DLGAP2: variants seen among roughly 807,000 people sequenced by gnomAD.
DLGAP2 encodes the protein DLG associated protein 2, also known as disks large-associated protein 2.
A neutral mutation model predicts 100.3 loss-of-function variants in DLGAP2; 26 were observed. The ratio of observed to expected loss-of-function variants is 0.26; its 90% confidence interval spans 0.19 to 0.36. DLGAP2 has a LOEUF of 0.36. Among genes scored for constraint, DLGAP2 ranks in the 10% least tolerant of loss-of-function variants. DLGAP2 has a pLI of 1.00. For missense variants in DLGAP2, 1,858 were observed against 1,453.2 expected (o/e 1.28, Z -4.53); for synonymous variants, 886 against 630.1 (o/e 1.41, Z -6.08).
chr8:1,526,026 A>G (rs1245453634), intron 4 of DLGAP2, among the ~76,000 whole-genome samples: 2 of 151,988 alleles, frequency 1.3e-5, no homozygotes, highest in Non-Finnish European at 2.9e-5. Flanking sequence ...TCCCTAATCC[A>G]AAACTCTGAA....
chr8:1,324,793 C>A (rs914733831), intron 3 of DLGAP2, among the ~76,000 whole-genome samples: 2 of 152,080 alleles, frequency 1.3e-5, no homozygotes, highest in Admixed American at 6.5e-5. Context: ...ATCAGAGGAG[C>A]GGGAGTCACA....
intron 3 of DLGAP2, among the ~76,000 whole-genome samples, chr8:1,356,698 G>A (rs988892534): frequency 2.0e-5 from 3 of 152,310 alleles, no homozygotes; most frequent in South Asian, 4.1e-4. Context: ...ACGATCATTC[G>A]CCACAATGTA....
chr8:1,621,636 G>A (rs1028726716), intron 6 of DLGAP2: 2 of 152,182 alleles, frequency 1.3e-5, no homozygotes, highest in Non-Finnish European at 2.9e-5. Flanking sequence ...GTGCTCCATA[G>A]ACTCACCAGC....
At chr8:945,566 C>T (rs896687972) in intron 2 of DLGAP2, among the ~76,000 whole-genome samples, 6 of 152,168 alleles carry the variant, frequency 3.9e-5, no homozygotes, top group Non-Finnish European at 8.8e-5. Context: ...TCTTCTTACT[C>T]AGCCCGGAGA....
intron 2 of DLGAP2, among the ~76,000 whole-genome samples, chr8:1,159,866 G>T (rs1460426187): frequency 2.0e-5 from 3 of 152,200 alleles, no homozygotes; most frequent in Non-Finnish European, 4.4e-5. Context: ...TCTGTCTACA[G>T]GCCCCCCAAC....
At chr8:1,628,924 A>G (rs1475217427) in intron 7 of DLGAP2, among the ~76,000 whole-genome samples, 1 of 152,266 alleles carries the variant, frequency 6.6e-6, no homozygotes, top group Non-Finnish European at 1.5e-5. Flanking sequence ...ATGGAAGTAC[A>G]CAGTCAATTT....
chr8:773,655 T>A (rs1821427804), intron 1 of DLGAP2, among the ~76,000 whole-genome samples: 1 of 151,948 alleles, frequency 6.6e-6, no homozygotes. Flanking sequence ...ATTTCATCCA[T>A]GTCCCTACAA....
chr8:1,626,255 T>C (rs1433819852), intron 6 of DLGAP2, among the ~76,000 whole-genome samples: 1 of 126,186 alleles, frequency 7.9e-6, no homozygotes, highest in Non-Finnish European at 1.6e-5. Context: ...CAGCGGGTGC[T>C]CACCCTCTGG....
rs556693043 is a variant in DLGAP2, at chr8:1,341,589, C to G, written c.106+82706C>G. Among the ~76,000 whole-genome samples, 7 of 152,250 alleles carry G rather than the reference C, an allele frequency of 4.6e-5. No individual in the cohort carries two copies. The South Asian group carries it at 1.5e-3, about 32-fold the overall frequency. ...GGAGATGACTGTGGCTGACCCCGTA[C>G]AAAAGTTAGTTCTGTGTCGTTTTCC... On this transcript the variant is annotated intron_variant, in intron 3 of 14. Coordinates refer to ENST00000637795, the MANE Select transcript of DLGAP2 (RefSeq NM_001346810.2).
intron 2 of DLGAP2, among the ~76,000 whole-genome samples, chr8:953,472 G>A (rs771715110): frequency 2.6e-5 from 4 of 152,202 alleles, no homozygotes; most frequent in East Asian, 3.9e-4. Context: ...GATTACAGGC[G>A]TGAGCCACCG....
chr8:765,267 C>T (rs151111273), intron 1 of DLGAP2, among the ~76,000 whole-genome samples: 1 of 152,210 alleles, frequency 6.6e-6, no homozygotes, highest in East Asian at 1.9e-4. Context: ...AAGGGCTGTT[C>T]TAGGGGTAAA....
rs183609474 is a variant in DLGAP2, at chr8:1,161,639, G to A, written c.74-97212G>A. On this transcript the variant is annotated intron_variant, in intron 2 of 14. Transcript: ENST00000637795. ...GCCCTGGAGTCATGCACATGGTGGT[G>A]GGGTTTGAACGCCTGTAGGGAAATG... 5.3e-4 allele frequency among the ~76,000 whole-genome samples: 81 copies of A among 152,336 alleles called. No individual in the cohort carries two copies. In the Middle Eastern group the frequency reaches 0.014, roughly 26 times the overall value.
At chr8:1,325,911 T>C (rs113561202) in intron 3 of DLGAP2, among the ~76,000 whole-genome samples, 2,064 of 152,298 alleles carry the variant, frequency 0.014, 58 homozygotes, top group African/African-American at 0.047. Context: ...TAATCTTTAT[T>C]GTAGTGGTAA....
At chr8:1,493,264 A>G (rs1057107229) in intron 3 of DLGAP2, among the ~76,000 whole-genome samples, 18 of 151,938 alleles carry the variant, frequency 1.2e-4, no homozygotes, top group Admixed American at 9.8e-4. Context: ...TCATCTCCGC[A>G]GCTCTGAGAC....
chr8:957,952 T>A (rs886486326), intron 2 of DLGAP2, among the ~76,000 whole-genome samples: 1 of 152,182 alleles, frequency 6.6e-6, no homozygotes, highest in Non-Finnish European at 1.5e-5. Context: ...TACAATACGT[T>A]CCTGGTGCTG....
At chr8:781,676 T>G (rs1821691178) in intron 1 of DLGAP2, among the ~76,000 whole-genome samples, 1 of 152,166 alleles carries the variant, frequency 6.6e-6, no homozygotes, top group Admixed American at 6.5e-5. Flanking sequence ...TGGCTGAACA[T>G]TTAAATGACT....
intron 3 of DLGAP2, among the ~76,000 whole-genome samples, chr8:1,496,896 G>A (rs971860299): frequency 6.6e-6 from 1 of 152,166 alleles, no homozygotes; most frequent in African/African-American, 2.4e-5. Context: ...ATAGCCAGAC[G>A]ACCTTGCTAC....
At chr8:846,308 A>G (rs895967920) in intron 1 of DLGAP2, among the ~76,000 whole-genome samples, 2 of 151,880 alleles carry the variant, frequency 1.3e-5, no homozygotes, top group African/African-American at 4.8e-5. Context: ...CTCTTACCCA[A>G]CCTCTGGTAA....
At chr8:1,261,016 C>T (rs751901680) in intron 3 of DLGAP2, among the ~76,000 whole-genome samples, 1 of 152,192 alleles carries the variant, frequency 6.6e-6, no homozygotes, top group African/African-American at 2.4e-5. Context: ...GTGACAGTGG[C>T]GTGAGGAGGG....
Sources: gnomAD v4.1 joint callset for allele counts (sites outside exome capture counted in the v4.1 genomes callset) on GRCh38, gnomAD v4.1.1 for gene constraint, MANE v1.5 for transcripts, NCBI Gene and HGNC (gene_info 2026-07-23, HGNC 2026-07-21) for gene names.